The following CRK variants were observed in gnomAD, a reference collection of about 807,000 sequenced individuals.
The protein encoded by CRK is adapter molecule crk.
Under a neutral mutation model 29.8 loss-of-function variants are expected in CRK, and 4 were observed. The ratio of observed to expected loss-of-function variants is 0.13; its 90% CI spans 0.07 to 0.31. The LOEUF is 0.31. Among genes scored for constraint, CRK ranks in the 10% least tolerant of loss-of-function variants. The pLI is 1.00. For synonymous variants in CRK, 153 were observed against 164.9 expected, an observed-to-expected ratio of 0.93 and a Z score of 0.55; for missense variants, 274 against 396.5, an observed-to-expected ratio of 0.69 and a Z score of 2.62.
At chr17:1,436,378 AG>A (rs1414032162) in intron 2 of CRK, among the ~76,000 whole-genome samples, 5 of 152,328 alleles carry the variant, frequency 3.3e-5, no homozygotes, top group Admixed American at 3.3e-4. Flanking sequence ...TTATTAAAGT[AG>A]TCCAAGTGTG....
chr17:1,434,196 C>G (rs777073060), intron 2 of CRK, among the ~76,000 whole-genome samples: 12 of 152,112 alleles, frequency 7.9e-5, no homozygotes, highest in Non-Finnish European at 1.8e-4. Flanking sequence ...GACAGTCTTT[C>G]AAATTGATGG....
At chr17:1,449,806 C>T (rs1236096613) in intron 1 of CRK, among the ~76,000 whole-genome samples, 1 of 152,166 alleles carries the variant, frequency 6.6e-6, no homozygotes, top group East Asian at 1.9e-4. Flanking sequence ...GCTATGGCAC[C>T]ACAGGAAGCC....
chr17:1,450,277 G>C (rs1052842389), intron 1 of CRK, among the ~76,000 whole-genome samples: 1 of 151,802 alleles, frequency 6.6e-6, no homozygotes, highest in African/African-American at 2.4e-5. Context: ...GGGAGGCCAA[G>C]GTGGGCGGAT....
At chr17:1,433,825 GT>G (rs56071119) in intron 2 of CRK, among the ~76,000 whole-genome samples, 16,462 of 126,954 alleles carry the variant, frequency 0.13, 1,223 homozygotes, top group African/African-American at 0.22. Flanking sequence ...AGCATGTATG[GT>G]TTTTTTTTTT....
At chr17:1,425,543 C>T (rs191383305) in intron 2 of CRK, among the ~76,000 whole-genome samples, 67 of 152,284 alleles carry the variant, frequency 4.4e-4, no homozygotes, top group African/African-American at 1.2e-3. Context: ...TACAGGTGCA[C>T]GCCACCATGC....
chr17:1,443,255 T>C (rs563640725), intron 1 of CRK, among the ~76,000 whole-genome samples: 2 of 152,188 alleles, frequency 1.3e-5, no homozygotes, highest in East Asian at 1.9e-4. Context: ...GTGTTGGGAT[T>C]ACAGGTGTGA....
chr17:1,427,150 G>T (rs1036237067), intron 2 of CRK, among the ~76,000 whole-genome samples: 1 of 148,414 alleles, frequency 6.7e-6, no homozygotes, highest in Non-Finnish European at 1.5e-5. Context: ...AATTAGTAAG[G>T]TATCATCGTA....
intron 2 of CRK, among the ~76,000 whole-genome samples, chr17:1,427,051 A>T (rs1415642392): frequency 9.4e-6 from 1 of 106,010 alleles, no homozygotes; most frequent in East Asian, 3.0e-4. Flanking sequence ...AAAAAAAAAA[A>T]AAAAAAAAAA....
chr17:1,430,970 A>G (rs62089615), intron 2 of CRK, among the ~76,000 whole-genome samples: 62,815 of 151,724 alleles, frequency 0.41, 13,833 homozygotes, highest in South Asian at 0.52. Flanking sequence ...AGGGAGGCTG[A>G]GGCAGGAGAA....
intron 1 of CRK, among the ~76,000 whole-genome samples, chr17:1,440,289 ACT>A (rs1386053138): frequency 5.4e-5 from 8 of 147,084 alleles, no homozygotes; most frequent in Non-Finnish European, 6.0e-5. Context: ...ACAGAGCGGG[ACT>A]CTGTCTCAAA....
chr17:1,422,764 T>G lies in CRK; in HGVS notation c.*749A>C. 1 of 395,682 alleles carries G rather than the reference T, an allele frequency of 2.5e-6. No homozygotes were observed. Among genetic ancestry groups the G allele is most frequent in the South Asian group, 1.4e-4 (1 of 6,980 alleles). The allele number at this position is 395,682 out of a possible 1,614,324, so 24.5% of individuals were successfully genotyped here. The stretch of plus-strand genomic sequence containing the variant: ...TGGGGAAGGCAGAGAGCTGGGAGAC[T>G]GGCTGTCCACTTAGTGAATCCAACA... On this transcript the variant is annotated 3_prime_UTR_variant, in exon 3 of 3. Coordinates refer to ENST00000300574, the MANE Select transcript of CRK (RefSeq NM_016823.4).
chr17:1,441,848 A>G (rs1409363983), intron 1 of CRK, among the ~76,000 whole-genome samples: 1 of 150,260 alleles, frequency 6.7e-6, no homozygotes, highest in Non-Finnish European at 1.5e-5. Flanking sequence ...TTTACTGCCC[A>G]GGCTGCGGTT....
At chr17:1,445,295 G>A (rs1029431732) in intron 1 of CRK, among the ~76,000 whole-genome samples, 1 of 152,142 alleles carries the variant, frequency 6.6e-6, no homozygotes, top group African/African-American at 2.4e-5. Context: ...ATCTGAAGGA[G>A]AGCCGTACAT....
chr17:1,443,650 C>T (rs1046709990), intron 1 of CRK, among the ~76,000 whole-genome samples: 5 of 151,908 alleles, frequency 3.3e-5, no homozygotes, highest in South Asian at 2.1e-4. Flanking sequence ...CCACCCACCT[C>T]GGCCTCCTAA....
At chr17:1,453,581 G>A (rs897526744) in intron 1 of CRK, among the ~76,000 whole-genome samples, 4 of 152,198 alleles carry the variant, frequency 2.6e-5, no homozygotes, top group African/African-American at 9.7e-5. Context: ...GATAATTTGT[G>A]AGCTTATAGA....
At chr17:1,445,895 G>T (rs1424743387) in intron 1 of CRK, among the ~76,000 whole-genome samples, 1 of 152,200 alleles carries the variant, frequency 6.6e-6, no homozygotes, top group African/African-American at 2.4e-5. Flanking sequence ...TTTTGGGACA[G>T]TGGTTGGCAG....
intron 1 of CRK, among the ~76,000 whole-genome samples, chr17:1,447,162 T>G (rs538041859): frequency 1.6e-3 from 245 of 151,706 alleles, no homozygotes; most frequent in African/African-American, 5.9e-3. Flanking sequence ...CTTTTCTCTC[T>G]TTCCTCTCCT....
chr17:1,426,573 A>C (rs1012539098), intron 2 of CRK: 3 of 152,116 alleles, frequency 2.0e-5, no homozygotes, highest in African/African-American at 7.2e-5. Flanking sequence ...TCTACAAAAA[A>C]TAAAAAAATT....
chr17:1,447,816 C>T (rs1484024375), intron 1 of CRK, among the ~76,000 whole-genome samples: 1 of 151,942 alleles, frequency 6.6e-6, no homozygotes, highest in Non-Finnish European at 1.5e-5. Context: ...AGGGTTTTGC[C>T]ATGTTGGCCA....
Sources: allele counts gnomAD v4.1 joint callset (sites outside exome capture counted in the v4.1 genomes callset), GRCh38; gene constraint gnomAD v4.1.1; transcripts MANE v1.5; gene names NCBI Gene and HGNC (gene_info 2026-07-23, HGNC 2026-07-21).